NAA50: variants seen among roughly 807,000 people sequenced by gnomAD.
The protein encoded by NAA50 is N-alpha-acetyltransferase 50.
NAA50 carries 7 observed loss-of-function variants against 20.7 expected under a neutral mutation model. That is an observed-to-expected ratio of 0.34 (90% CI 0.19 to 0.63). The LOEUF (loss-of-function observed/expected upper bound fraction) is 0.63. Ranked by LOEUF, NAA50 falls within the 30% of genes least tolerant of loss-of-function variation. The pLI is 0.75. For synonymous variants in NAA50, 54 were observed against 70.6 expected (o/e 0.77, Z 1.18); for missense variants, 111 against 199.1 (o/e 0.56, Z 2.66).
rs139336976 is a variant in NAA50, at chr3:113,733,216, T to C, written c.9-9121A>G. ...CAGATGATTTTGCAACTAATCTCAA[T>C]TGTAGCTTGTCTTTTCATTTTCTTA... On this transcript the variant is annotated intron_variant, in intron 1 of 4. Transcript: ENST00000240922. Among the ~76,000 whole-genome samples, 180 of 152,320 alleles carry C rather than the reference T, an allele frequency of 1.2e-3. 1 individual carries two copies. The highest frequency in any genetic ancestry group is 3.9e-3 in the African/African-American group (162 of 41,572).
chr3:113,722,868 A>G, intron 4 of NAA50, 38 bp downstream of exon 4: 1 of 1,484,536 alleles, frequency 6.7e-7, no homozygotes, highest in South Asian at 1.3e-5. Context: ...TGCCAATTAA[A>G]CCCCTTTGAT....
intron 1 of NAA50, among the ~76,000 whole-genome samples, chr3:113,725,479 CAAAA>C (rs949412139): frequency 6.6e-6 from 1 of 150,484 alleles, no homozygotes; most frequent in South Asian, 2.1e-4. Context: ...AAAACAGAAA[CAAAA>C]AAAAACAGCT....
intron 1 of NAA50, among the ~76,000 whole-genome samples, chr3:113,737,103 T>C (rs1338341294): frequency 6.6e-6 from 1 of 152,172 alleles, no homozygotes; most frequent in African/African-American, 2.4e-5. Flanking sequence ...ATTTCCATTG[T>C]AGCACAAGAT....
chr3:113,727,860 T>G (rs1185583727), intron 1 of NAA50, among the ~76,000 whole-genome samples: 1 of 152,138 alleles, frequency 6.6e-6, no homozygotes, highest in African/African-American at 2.4e-5. Flanking sequence ...GAAACAAATA[T>G]GCTAGAAAAA....
intron 1 of NAA50, among the ~76,000 whole-genome samples, chr3:113,731,516 G>GCA (rs10662951): frequency 0.33 from 50,334 of 151,766 alleles, 8,484 homozygotes; most frequent in East Asian, 0.36. Flanking sequence ...TGTTTTAAGT[G>GCA]CACACTTCAG....
At chr3:113,735,144 G>C (rs1708322973) in intron 1 of NAA50, among the ~76,000 whole-genome samples, 1 of 152,148 alleles carries the variant, frequency 6.6e-6, no homozygotes, top group Admixed American at 6.5e-5. Context: ...AAGAATGTAA[G>C]AAACACTTGA....
chr3:113,722,168 T>G (rs951372204), intron 4 of NAA50, among the ~76,000 whole-genome samples: 1 of 152,158 alleles, frequency 6.6e-6, no homozygotes, highest in Non-Finnish European at 1.5e-5. Context: ...GTGTTTATTC[T>G]TGTAGTCAAC....
chr3:113,742,147 C>G (rs955084878), intron 1 of NAA50, among the ~76,000 whole-genome samples: 1 of 152,124 alleles, frequency 6.6e-6, no homozygotes, highest in Admixed American at 6.5e-5. Flanking sequence ...AATTGTTTCA[C>G]AGAAGGAAGA....
rs1708061056 is a variant in NAA50, at chr3:113,717,101, G to T, written c.*4659C>A. On this transcript the variant is annotated 3_prime_UTR_variant, in exon 5 of 5. Coordinates refer to ENST00000240922, the MANE Select transcript of NAA50 (RefSeq NM_025146.4). Reference sequence around the variant, plus strand: ...TGTAATCCTAGCACTTTGGGAGGCTGCCCCAGGAGGATTGCCTAAGCTCAG... The same window carrying T: ...TGTAATCCTAGCACTTTGGGAGGCTTCCCCAGGAGGATTGCCTAAGCTCAG... 6.6e-6 allele frequency: 1 copy of T among 152,210 alleles called. No individual in the cohort carries two copies. Among genetic ancestry groups the T allele is most frequent in the African/African-American group, 2.4e-5 (1 of 41,454 alleles). 9.4% of individuals were successfully genotyped at this position (152,210 alleles called of 1,614,324 possible). A position where few individuals can be genotyped will look rare whatever the true frequency, so the allele number is the denominator to read the frequency against.
At position 113,720,907 on chromosome 3, in the gene NAA50, T is replaced by C. The variant is rs536771522; in HGVS notation, c.*853A>G. ...CAACTCAATTTTTAAGGTTAGACTA[T>C]TGTTGGGTTTACTGAAGAAAAAGGA... On this transcript the variant is annotated 3_prime_UTR_variant, in exon 5 of 5. Transcript: ENST00000240922. The C allele has an allele frequency of 1.3e-5, 2 of 152,670 alleles. No individual in the cohort carries two copies. Among genetic ancestry groups the C allele is most frequent in the Admixed American group, 6.5e-5 (1 of 15,268 alleles). The allele number at this position is 152,670 out of a possible 1,614,324, so 9.5% of individuals were successfully genotyped here. A position where few individuals can be genotyped will look rare whatever the true frequency, so the allele number is the denominator to read the frequency against.
intron 1 of NAA50, 141 bp downstream of exon 1, chr3:113,745,801 C>G: frequency 9.7e-7 from 1 of 1,025,738 alleles, no homozygotes; most frequent in Non-Finnish European, 1.4e-6. Flanking sequence ...CTCCGGGAGC[C>G]GAGGGAACTG....
chr3:113,745,884 CAT>C (rs1708490225), intron 1 of NAA50, 56 bp downstream of exon 1: 1 of 1,578,736 alleles, frequency 6.3e-7, no homozygotes, highest in African/African-American at 1.4e-5. Context: ...TCCCCCTCTA[CAT>C]GGGCCCGGAC....
intron 1 of NAA50, among the ~76,000 whole-genome samples, chr3:113,744,334 C>G (rs1050499815): frequency 1.3e-5 from 2 of 151,802 alleles, no homozygotes; most frequent in African/African-American, 4.8e-5. Context: ...CGTGGTGGTG[C>G]GCGCCTGAGG....
In NAA50 at chr3:113,720,305, T is replaced by A. The variant is rs1708118617; in HGVS notation, c.*1455A>T. On this transcript the variant is annotated 3_prime_UTR_variant, in exon 5 of 5. Transcript: ENST00000240922. ...TTTTACATAAGAGGATAAATATGAA[T>A]GAAACTTCCTTTTAAAGTCAAATGA... 3 of 152,390 alleles carry A rather than the reference T, an allele frequency of 2.0e-5. No homozygotes were observed. The highest frequency in any genetic ancestry group is 2.0e-4 in the Admixed American group (3 of 15,284). 9.4% of individuals were successfully genotyped at this position (152,390 alleles called of 1,614,324 possible). A position where few individuals can be genotyped will look rare whatever the true frequency, so the allele number is the denominator to read the frequency against.
chr3:113,725,307 T>C (rs920325777), intron 1 of NAA50, among the ~76,000 whole-genome samples: 31 of 152,260 alleles, frequency 2.0e-4, no homozygotes, highest in Non-Finnish European at 4.4e-4. Context: ...TGTAGCATAT[T>C]GTGTTTTGTA....
intron 1 of NAA50, among the ~76,000 whole-genome samples, chr3:113,735,369 T>A (rs1251791076): frequency 6.6e-6 from 1 of 152,206 alleles, no homozygotes; most frequent in African/African-American, 2.4e-5. Context: ...GTTATGTAAA[T>A]CATCATCCAA....
At position 113,743,352 on chromosome 3, in the gene NAA50, A is replaced by G. The variant is rs181000573; in HGVS notation, c.8+2590T>C. On this transcript the variant is annotated intron_variant, in intron 1 of 4. Coordinates refer to ENST00000240922, the MANE Select transcript of NAA50 (RefSeq NM_025146.4). ...TTTACTTACCTCAATATACAATAGA[A>G]TACTTAGCAAATAAAATTTCATACA... is the stretch of plus-strand genomic sequence containing the variant. Among the ~76,000 whole-genome samples, 36 of 152,354 alleles carry G rather than the reference A, an allele frequency of 2.4e-4. 2 individuals are homozygous for G. Among genetic ancestry groups the G allele is most frequent in the Admixed American group, 1.2e-3 (18 of 15,310 alleles).
chr3:113,733,412 C>T (rs1181427136), intron 1 of NAA50, among the ~76,000 whole-genome samples: 1 of 151,724 alleles, frequency 6.6e-6, no homozygotes, highest in Non-Finnish European at 1.5e-5. Context: ...AATTTGTGAA[C>T]CTTTCTGGAT....
Position 113,723,534 on chromosome 3 carries a change from G to A in NAA50, c.153C>T (p.Phe51=). ...ATACTGCACCTACAGCAATATCATT[G>A]AAATAGGCTGCCAAGGAAAACATAA... ...EVGELAKLAY[F]NDIAVGAVCC... is the part of the protein sequence containing the mutation. Residue 51 remains phenylalanine, a synonymous_variant, in exon 3 of 5, where the codon TTC becomes TTT. Transcript: ENST00000240922. The A allele has an allele frequency of 1.3e-6, 2 of 1,599,204 alleles. No homozygotes were observed. Among genetic ancestry groups the A allele is most frequent in the Non-Finnish European group, 1.7e-6 (2 of 1,174,448 alleles).
Sources: gnomAD v4.1 joint callset for allele counts (sites outside exome capture counted in the v4.1 genomes callset) on GRCh38, gnomAD v4.1.1 for gene constraint, MANE v1.5 for transcripts, NCBI Gene and HGNC (gene_info 2026-07-23, HGNC 2026-07-21) for gene names.